IFT74: variants seen among roughly 807,000 people sequenced by gnomAD.
IFT74 encodes the protein intraflagellar transport 74, also known as intraflagellar transport protein 74 homolog.
A neutral mutation model predicts 96.7 loss-of-function variants in IFT74; 92 were observed. The ratio of observed to expected loss-of-function variants is 0.95; its 90% confidence interval spans 0.80 to 1.13. IFT74 has a LOEUF of 1.13. IFT74 is among the 50% of genes most tolerant of loss of function. The probability of loss-of-function intolerance (pLI) is 0.00; values close to 1 mark genes in which losing one functional copy is unlikely to be tolerated. For missense variants in IFT74, 811 were observed against 698.2 expected (o/e 1.16, Z -1.82); for synonymous variants, 223 against 213.2 (o/e 1.05, Z -0.40).
At chr9:26,966,428 A>T (rs918132904) in intron 2 of IFT74, among the ~76,000 whole-genome samples, 8 of 152,042 alleles carry the variant, frequency 5.3e-5, no homozygotes, top group African/African-American at 1.7e-4. Flanking sequence ...ATGATCAGTG[A>T]TGTTGAGCAC....
Position 26,999,482 on chromosome 9 carries a change from C to A in IFT74, c.587+9287C>A, listed in dbSNP as rs1330594221. 3 of 578,432 alleles carry A rather than the reference C, an allele frequency of 5.2e-6. No individual in the cohort carries two copies. The South Asian group carries it at 9.2e-5, about 18-fold the overall frequency. 35.8% of individuals were successfully genotyped at this position (578,432 alleles called of 1,614,324 possible). A position where few individuals can be genotyped will look rare whatever the true frequency, so the allele number is the denominator to read the frequency against. ...TTTGTCAAATTGGAATTTGGATATA[C>A]AGAGCTAAATAAACTCTTAATTTTA... is the stretch of plus-strand genomic sequence containing the variant. On this transcript the variant is annotated intron_variant, in intron 8 of 19. Transcript: ENST00000380062.
upstream of IFT74, among the ~76,000 whole-genome samples, chr9:26,955,517 G>C (rs138585831): frequency 1.3e-5 from 2 of 152,072 alleles, no homozygotes; most frequent in Non-Finnish European, 2.9e-5. Flanking sequence ...AAGGGTGTTG[G>C]GGGGCAGGGT....
upstream of IFT74, chr9:26,956,327 AG>A (rs1172542099): frequency 2.3e-4 from 35 of 152,264 alleles, no homozygotes; most frequent in African/African-American, 6.3e-4. Context: ...TGTGTAACCA[AG>A]GGCTGAGGCG....
intron 3 of IFT74, 63 bp downstream of exon 3, chr9:26,978,326 A>G (rs1827216581): frequency 1.3e-6 from 2 of 1,528,504 alleles, no homozygotes; most frequent in African/African-American, 1.4e-5. Context: ...AATAACTGTG[A>G]ACAATTTAAA....
intron 13 of IFT74, among the ~76,000 whole-genome samples, chr9:27,040,941 G>T (rs562273628): frequency 1.3e-5 from 2 of 152,312 alleles, no homozygotes; most frequent in South Asian, 4.1e-4. Context: ...TTCCCTTGCA[G>T]TGAGGACAGA....
At chr9:26,951,596 A>C (rs1825936959), upstream of IFT74, among the ~76,000 whole-genome samples, 1 of 152,200 alleles carries the variant, frequency 6.6e-6, no homozygotes, top group African/African-American at 2.4e-5. Flanking sequence ...TAAGAAAAAA[A>C]CCCATAAAAT....
chr9:27,031,796 G>A (rs141115536), intron 13 of IFT74, among the ~76,000 whole-genome samples: 3,439 of 135,342 alleles, frequency 0.025, 132 homozygotes, highest in African/African-American at 0.083. Context: ...AAAATAAAAT[G>A]TAAAATAAAA....
chr9:27,043,638 A>G (rs549784943), intron 13 of IFT74, among the ~76,000 whole-genome samples: 106 of 152,298 alleles, frequency 7.0e-4, no homozygotes, highest in African/African-American at 2.0e-3. Flanking sequence ...TAAACTCAAC[A>G]TATCCAAAAC....
chr9:26,947,184 G>A (rs1328242559), intron 1 of IFT74: 11 of 1,018,430 alleles, frequency 1.1e-5, no homozygotes, highest in Non-Finnish European at 1.4e-5. Flanking sequence ...CCCGAGAGCC[G>A]GTACGGAAGG....
At chr9:27,040,120 A>G (rs1378247175) in intron 13 of IFT74, among the ~76,000 whole-genome samples, 1 of 152,194 alleles carries the variant, frequency 6.6e-6, no homozygotes, top group African/African-American at 2.4e-5. Context: ...AAAAATGGTT[A>G]TGTAGACTAT....
chr9:26,998,184 T>C, intron 8 of IFT74: 2 of 1,566,632 alleles, frequency 1.3e-6, no homozygotes, highest in Non-Finnish European at 1.7e-6. Flanking sequence ...GTAACATCTT[T>C]CTTGATATCT....
In IFT74 at chr9:27,048,291, G is replaced by T. The variant is rs1199571356; in HGVS notation, c.1333+17G>T. The T allele has an allele frequency of 1.6e-5, 25 of 1,533,574 alleles. No individual in the cohort carries two copies. Among genetic ancestry groups the T allele is most frequent in the Non-Finnish European group, 2.0e-5 (23 of 1,133,474 alleles). The allele number at this position is 1,533,574 out of a possible 1,614,324, so 95.0% of individuals were successfully genotyped here. On this transcript the variant is annotated intron_variant, in intron 16 of 19. Coordinates refer to ENST00000380062, the MANE Select transcript of IFT74 (RefSeq NM_025103.4). Reference sequence around the variant, plus strand: ...TGACTTCAGGTGAGAAAACAACCTAGATTTTAATATTCTTTTTTTTTAAAA... The same window carrying T: ...TGACTTCAGGTGAGAAAACAACCTATATTTTAATATTCTTTTTTTTTAAAA...
At chr9:26,988,614 A>G (rs1827733763) in intron 6 of IFT74, 55 bp from the exon 7 acceptor site, 21 of 1,431,736 alleles carry the variant, frequency 1.5e-5, no homozygotes, top group Non-Finnish European at 1.9e-5. Flanking sequence ...AATTATAGAG[A>G]ACATGTGTAA....
chr9:26,987,673 A>C (rs1284246435), intron 6 of IFT74, among the ~76,000 whole-genome samples: 4 of 152,188 alleles, frequency 2.6e-5, no homozygotes, highest in Admixed American at 2.0e-4. Context: ...CCTTCTGTTC[A>C]CATTCTGGCT....
intron 6 of IFT74, among the ~76,000 whole-genome samples, chr9:26,985,455 A>C (rs1827591421): frequency 6.6e-6 from 1 of 152,198 alleles, no homozygotes; most frequent in Non-Finnish European, 1.5e-5. Flanking sequence ...AAATTTCAAA[A>C]ATTTCAAAAA....
chr9:26,997,716 A>T, intron 8 of IFT74: 1 of 1,575,306 alleles, frequency 6.3e-7, no homozygotes, highest in Non-Finnish European at 8.6e-7. Context: ...TTGCTTAATT[A>T]TGATAGCTTA....
At chr9:27,057,726 C>T (rs916298099) in intron 18 of IFT74, among the ~76,000 whole-genome samples, 3 of 152,048 alleles carry the variant, frequency 2.0e-5, no homozygotes, top group Non-Finnish European at 2.9e-5. Context: ...GGAGTGGTGG[C>T]GGGTGCCTGT....
intron 16 of IFT74, among the ~76,000 whole-genome samples, chr9:27,048,815 A>G (rs527573992): frequency 6.6e-6 from 1 of 152,304 alleles, no homozygotes; most frequent in East Asian, 1.9e-4. Context: ...TCACGTTTTA[A>G]TGGAATGGCT....
intron 9 of IFT74, among the ~76,000 whole-genome samples, chr9:27,010,643 C>T (rs967730176): frequency 1.1e-4 from 16 of 152,050 alleles, no homozygotes; most frequent in African/African-American, 3.6e-4. Context: ...GTGCCCGCCA[C>T]CACGCCTGGC....
Sources: gnomAD v4.1 joint callset for allele counts (sites outside exome capture counted in the v4.1 genomes callset) on GRCh38, gnomAD v4.1.1 for gene constraint, MANE v1.5 for transcripts, NCBI Gene and HGNC (gene_info 2026-07-23, HGNC 2026-07-21) for gene names.